ULK4: variants seen among roughly 807,000 people sequenced by gnomAD.
ULK4 encodes inactive serine/threonine-protein kinase ULK4.
In ULK4, 133 loss-of-function variants were observed where a neutral mutation model predicts 160.6. The observed-to-expected ratio is 0.83, with a 90% CI of 0.72 to 0.96. ULK4 has a LOEUF of 0.96. Ranked by LOEUF, ULK4 falls within the 40% of genes least tolerant of loss-of-function variation. The pLI is 0.00. For missense variants in ULK4, 1,580 were observed against 1,499.5 expected (o/e 1.05, Z -0.89); for synonymous variants, 534 against 539.8 (o/e 0.99, Z 0.15).
intron 31 of ULK4, among the ~76,000 whole-genome samples, chr3:41,579,430 A>G (rs2030052089): frequency 6.6e-6 from 1 of 151,726 alleles, no homozygotes; most frequent in Non-Finnish European, 1.5e-5. Context: ...CACAGATGCT[A>G]GCTCCAAAGG....
At chr3:41,923,876 A>T (rs150058194) in intron 5 of ULK4, among the ~76,000 whole-genome samples, 181 of 152,346 alleles carry the variant, frequency 1.2e-3, no homozygotes, top group African/African-American at 3.9e-3. Flanking sequence ...GTAGTTTGAC[A>T]TAACCCCCAT....
At position 41,705,063 on chromosome 3, in the gene ULK4, G is replaced by A. The variant is rs574190878; in HGVS notation, c.2775C>T (p.Arg925=). ...AAAAGCTGCCAGAACTGACCGTGGAGCGATAGTCTTTCAATAAAATAGGAT... is the reference window on the plus strand; with the variant it reads ...AAAAGCTGCCAGAACTGACCGTGGAACGATAGTCTTTCAATAAAATAGGAT... ...IQYPILLKDY[R]STVVDYILPP... Residue 925 remains arginine, a synonymous_variant, in exon 27 of 37, where the codon CGC becomes CGT. Transcript: ENST00000301831. 45 of 1,610,432 alleles carry A rather than the reference G, an allele frequency of 2.8e-5. No individual in the cohort carries two copies. In the East Asian group the frequency reaches 9.4e-4, roughly 34 times the overall value.
chr3:41,655,118 G>A (rs1286586428), intron 30 of ULK4, among the ~76,000 whole-genome samples: 1 of 151,844 alleles, frequency 6.6e-6, no homozygotes, highest in Non-Finnish European at 1.5e-5. Context: ...AGACCAGCCT[G>A]GGCAACATAG....
In ULK4 at chr3:41,607,774, A is replaced by G. The variant is rs559902244; in HGVS notation, c.3120+7895T>C. ...TATTACATGGTCATTAAATAGAATA[A>G]AAAATACCCATGGGCATACACATGG... On this transcript the variant is annotated intron_variant, in intron 31 of 36. Coordinates refer to ENST00000301831, the MANE Select transcript of ULK4 (RefSeq NM_017886.4). Among the ~76,000 whole-genome samples the G allele has an allele frequency of 2.5e-4, 38 of 152,332 alleles. 1 individual carries two copies. The South Asian group carries it at 6.8e-3, about 27-fold the overall frequency.
At chr3:41,382,063 C>G (rs2081665286) in intron 35 of ULK4, among the ~76,000 whole-genome samples, 2 of 152,188 alleles carry the variant, frequency 1.3e-5, no homozygotes, top group Admixed American at 1.3e-4. Flanking sequence ...GATGTCATCT[C>G]AGAGAGGCCT....
At chr3:41,533,569 T>C (rs1030284295) in intron 32 of ULK4, among the ~76,000 whole-genome samples, 6 of 152,338 alleles carry the variant, frequency 3.9e-5, no homozygotes, top group Middle Eastern at 3.4e-3. Flanking sequence ...ACCCACCTAA[T>C]TCTGTAAATA....
chr3:41,463,381 A>C (rs2083743368), intron 32 of ULK4, 128 bp from the exon 33 acceptor site: 1 of 833,626 alleles, frequency 1.2e-6, no homozygotes, highest in Non-Finnish European at 1.8e-6. Flanking sequence ...CTATACTCTT[A>C]TCAGATTCAC....
chr3:41,588,088 C>T (rs2030965809), intron 31 of ULK4, among the ~76,000 whole-genome samples: 1 of 152,158 alleles, frequency 6.6e-6, no homozygotes, highest in South Asian at 2.1e-4. Context: ...GACATCTGAG[C>T]AGACAGGCTT....
At chr3:41,508,140 T>C (rs2085456488) in intron 32 of ULK4, among the ~76,000 whole-genome samples, 1 of 151,792 alleles carries the variant, frequency 6.6e-6, no homozygotes, top group Non-Finnish European at 1.5e-5. Flanking sequence ...TGCATGAGAG[T>C]AGGGTGAGGC....
intron 21 of ULK4, among the ~76,000 whole-genome samples, chr3:41,760,117 A>G (rs1277381910): frequency 6.6e-6 from 1 of 152,212 alleles, no homozygotes; most frequent in Non-Finnish European, 1.5e-5. Flanking sequence ...AATTTTAATG[A>G]ACAAAATATT....
Position 41,493,557 on chromosome 3 carries a change from A to C in ULK4, c.3227-30304T>G, listed in dbSNP as rs1386702354. Among the ~76,000 whole-genome samples the C allele has an allele frequency of 4.1e-5, 5 of 122,010 alleles. 1 individual carries two copies. Among genetic ancestry groups the C allele is most frequent in the Non-Finnish European group, 9.1e-5 (5 of 55,056 alleles). The allele number at this position is 122,010 out of a possible 152,430, so 80.0% of individuals were successfully genotyped here. The stretch of plus-strand genomic sequence containing the variant: ...AGCAAACACATTCAAAAGCTACCAG[A>C]AGGCAAGAAATAACTAAAATCAGAG... On this transcript the variant is annotated intron_variant, in intron 32 of 36. Transcript: ENST00000301831.
At chr3:41,818,829 T>C (rs963750994) in intron 19 of ULK4, among the ~76,000 whole-genome samples, 1 of 152,224 alleles carries the variant, frequency 6.6e-6, no homozygotes, top group Non-Finnish European at 1.5e-5. Context: ...ACCTTTTAGG[T>C]TGGTTTCTAA....
chr3:41,597,187 A>G (rs1402343807), intron 31 of ULK4, among the ~76,000 whole-genome samples: 1 of 152,140 alleles, frequency 6.6e-6, no homozygotes, highest in Non-Finnish European at 1.5e-5. Context: ...GCATAATGGA[A>G]AAATCTCAAA....
chr3:41,336,987 C>T (rs1277140311), intron 35 of ULK4, among the ~76,000 whole-genome samples: 1 of 152,146 alleles, frequency 6.6e-6, no homozygotes, highest in Non-Finnish European at 1.5e-5. Context: ...AAATGCTGTG[C>T]AGGTCACATT....
chr3:41,609,997 G>A (rs2032589853), intron 31 of ULK4, among the ~76,000 whole-genome samples: 1 of 145,752 alleles, frequency 6.9e-6, no homozygotes, highest in Non-Finnish European at 1.5e-5. Context: ...AAAAAGTAAA[G>A]ACAATACAAT....
chr3:41,509,430 G>T (rs1236396706), intron 32 of ULK4, among the ~76,000 whole-genome samples: 1 of 152,100 alleles, frequency 6.6e-6, no homozygotes, highest in Non-Finnish European at 1.5e-5. Flanking sequence ...AATTTCCCCA[G>T]CCTTGCTAGA....
chr3:41,274,677 G>T (rs1389783368), intron 35 of ULK4, among the ~76,000 whole-genome samples: 1 of 152,178 alleles, frequency 6.6e-6, no homozygotes, highest in Non-Finnish European at 1.5e-5. Flanking sequence ...TGACTATATT[G>T]AAGCAGAATA....
intron 27 of ULK4, among the ~76,000 whole-genome samples, chr3:41,685,201 A>C (rs751839628): frequency 1.3e-5 from 2 of 152,226 alleles, no homozygotes; most frequent in Non-Finnish European, 2.9e-5. Flanking sequence ...TCCTGTAAAG[A>C]CTGCTTGCCC....
intron 30 of ULK4, among the ~76,000 whole-genome samples, chr3:41,659,637 A>G (rs2035073840): frequency 6.6e-6 from 1 of 152,096 alleles, no homozygotes; most frequent in Non-Finnish European, 1.5e-5. Flanking sequence ...GGAGGCATAA[A>G]ATAGTAAACC....
Sources: allele counts gnomAD v4.1 joint callset (sites outside exome capture counted in the v4.1 genomes callset), GRCh38; gene constraint gnomAD v4.1.1; transcripts MANE v1.5; gene names NCBI Gene and HGNC (gene_info 2026-07-23, HGNC 2026-07-21).